Variants in NUDT9 observed in about 807,000 individuals in gnomAD.
NUDT9 encodes the protein ADP-ribose pyrophosphatase.
Under a neutral mutation model 41.0 loss-of-function variants are expected in NUDT9, and 31 were observed. The observed-to-expected ratio is 0.76, with a 90% CI of 0.57 to 1.02. The LOEUF is 1.02. Among genes scored for constraint, NUDT9 ranks in the 50% least tolerant of loss-of-function variants. NUDT9 has a pLI of 0.00. For missense variants in NUDT9, 380 were observed against 431.4 expected, an observed-to-expected ratio of 0.88 and a Z score of 1.06; for synonymous variants, 146 against 147.6, an observed-to-expected ratio of 0.99 and a Z score of 0.08.
chr4:87,425,712 GAAA>G (rs70957242), intron 1 of NUDT9, among the ~76,000 whole-genome samples: 11 of 94,748 alleles, frequency 1.2e-4, no homozygotes, highest in African/African-American at 2.0e-4. Flanking sequence ...CTGTCTCTTT[GAAA>G]AAAAAAAAAA....
intron 1 of NUDT9, among the ~76,000 whole-genome samples, chr4:87,430,922 G>A (rs1210675588): frequency 6.6e-6 from 1 of 152,006 alleles, no homozygotes; most frequent in Non-Finnish European, 1.5e-5. Flanking sequence ...ATACCCAGAA[G>A]TTTTTCATCT....
Position 87,422,603 on chromosome 4 carries a change from A to T in NUDT9, c.-303A>T. ...GCGGCCGTAAAGCGCCATTACGCAGAGAGAAAGTTACGAGGTTCGTGGCCG... is the reference window on the plus strand; with the variant it reads ...GCGGCCGTAAAGCGCCATTACGCAGTGAGAAAGTTACGAGGTTCGTGGCCG... On this transcript the variant is annotated 5_prime_UTR_variant, in exon 1 of 8. Transcript: ENST00000302174. 3 of 283,590 alleles carry T rather than the reference A, an allele frequency of 1.1e-5. No homozygotes were observed. The highest frequency in any genetic ancestry group is 2.0e-5 in the Non-Finnish European group (3 of 153,496). The allele number at this position is 283,590 out of a possible 1,614,324, so 17.6% of individuals were successfully genotyped here.
rs1321625240 is a variant in NUDT9 at position 87,422,898 on chromosome 4, G to A, written c.-8G>A. The A allele has an allele frequency of 6.2e-7, 1 of 1,607,530 alleles. No homozygotes were observed. The highest frequency in any genetic ancestry group is 8.5e-7 in the Non-Finnish European group (1 of 1,179,100). On this transcript the variant is annotated 5_prime_UTR_variant, in exon 1 of 8. Coordinates refer to ENST00000302174, the MANE Select transcript of NUDT9 (RefSeq NM_024047.5). ...ACCTAGCATCGCAAAGCCGCCCTCGGGGCGCTCATGGCGGGACGCCTCCTG... is the reference window on the plus strand; with the variant it reads ...ACCTAGCATCGCAAAGCCGCCCTCGAGGCGCTCATGGCGGGACGCCTCCTG...
intron 5 of NUDT9, among the ~76,000 whole-genome samples, chr4:87,450,259 C>G (rs564186149): frequency 1.7e-3 from 254 of 151,192 alleles, no homozygotes; most frequent in Non-Finnish European, 2.7e-3. Context: ...GAGGATGACT[C>G]TTTATAAAAA....
At chr4:87,454,060 A>T (rs201964763) in intron 6 of NUDT9, among the ~76,000 whole-genome samples, 24 of 149,706 alleles carry the variant, frequency 1.6e-4, no homozygotes, top group South Asian at 2.1e-4. Context: ...ACAGGGTTTC[A>T]CCTTGTTGGT....
chr4:87,425,949 G>A (rs1039988360), intron 1 of NUDT9, among the ~76,000 whole-genome samples: 2 of 151,696 alleles, frequency 1.3e-5, no homozygotes, highest in South Asian at 2.1e-4. Flanking sequence ...TGGTACTACC[G>A]GTGCGCACTA....
chr4:87,425,785 A>C (rs1446785778), intron 1 of NUDT9, among the ~76,000 whole-genome samples: 1 of 150,796 alleles, frequency 6.6e-6, no homozygotes, highest in African/African-American at 2.4e-5. Context: ...ACAGTTTTGC[A>C]CTTAGTTTTT....
intron 2 of NUDT9, among the ~76,000 whole-genome samples, chr4:87,437,382 C>T (rs1235649701): frequency 6.6e-6 from 1 of 151,578 alleles, no homozygotes; most frequent in East Asian, 1.9e-4. Context: ...GCTCTGTCGC[C>T]CAGGCTGGAG....
At chr4:87,442,335 T>TA (rs780314616) in intron 4 of NUDT9, among the ~76,000 whole-genome samples, 59 of 152,232 alleles carry the variant, frequency 3.9e-4, no homozygotes, top group Non-Finnish European at 7.4e-4. Flanking sequence ...ATATAAAAGA[T>TA]AAAAAACCAT....
Position 87,422,646 on chromosome 4 carries a change from T to C in NUDT9, c.-260T>C. On this transcript the variant is annotated 5_prime_UTR_variant, in exon 1 of 8. Coordinates refer to ENST00000302174, the MANE Select transcript of NUDT9 (RefSeq NM_024047.5). ...CGTGGCCGCGGTTTCCCCAGGCAGCTGGCGCTGGAGGCTTCGGCGTCACGT... is the reference window on the plus strand; with the variant it reads ...CGTGGCCGCGGTTTCCCCAGGCAGCCGGCGCTGGAGGCTTCGGCGTCACGT... 1 of 355,354 alleles carries C rather than the reference T, an allele frequency of 2.8e-6. No homozygotes were observed. The highest frequency in any genetic ancestry group is 5.0e-6 in the Non-Finnish European group (1 of 198,632). 22.0% of individuals were successfully genotyped at this position (355,354 alleles called of 1,614,324 possible). A position where few individuals can be genotyped will look rare whatever the true frequency, so the allele number is the denominator to read the frequency against.
chr4:87,441,266 A>T (rs1176388374), intron 3 of NUDT9, among the ~76,000 whole-genome samples: 1 of 152,230 alleles, frequency 6.6e-6, no homozygotes, highest in East Asian at 1.9e-4. Flanking sequence ...TTAACACTGG[A>T]TTGTGGCATC....
intron 1 of NUDT9, among the ~76,000 whole-genome samples, chr4:87,432,995 G>C (rs1214605610): frequency 2.6e-5 from 4 of 152,076 alleles, no homozygotes; most frequent in African/African-American, 9.7e-5. Context: ...TTTAGTATCA[G>C]GATAATGCTG....
chr4:87,448,035 A>G (rs112089991), intron 4 of NUDT9, among the ~76,000 whole-genome samples: 6 of 138,326 alleles, frequency 4.3e-5, no homozygotes, highest in African/African-American at 1.6e-4. Flanking sequence ...CTGTCTTTTT[A>G]AAAAAAAAAA....
At chr4:87,426,874 CAAAA>C (rs1721448239) in intron 1 of NUDT9, among the ~76,000 whole-genome samples, 1 of 117,014 alleles carries the variant, frequency 8.5e-6, no homozygotes, top group African/African-American at 3.3e-5. Context: ...CCCATCTTGA[CAAAA>C]AATAAACAAA....
At position 87,458,113 on chromosome 4, in the gene NUDT9, G is replaced by T; in HGVS notation, c.*92G>T. The T allele has an allele frequency of 8.2e-7, 1 of 1,221,674 alleles. No homozygotes were observed. Among genetic ancestry groups the T allele is most frequent in the Non-Finnish European group, 1.1e-6 (1 of 926,490 alleles). The allele number at this position is 1,221,674 out of a possible 1,614,324, so 75.7% of individuals were successfully genotyped here. A position where few individuals can be genotyped will look rare whatever the true frequency, so the allele number is the denominator to read the frequency against. ...GAATTTATACTATAAAAAGGGCAGG[G>T]TAGGCCACTTGGCCTATTTACTTTC... On this transcript the variant is annotated 3_prime_UTR_variant, in exon 8 of 8. Transcript: ENST00000302174.
At chr4:87,436,730 A>C (rs1454804734) in intron 2 of NUDT9, among the ~76,000 whole-genome samples, 2 of 152,184 alleles carry the variant, frequency 1.3e-5, no homozygotes, top group East Asian at 3.8e-4. Flanking sequence ...ATTGGCTAGA[A>C]GTCTTAAGAA....
chr4:87,428,179 G>C (rs1228024310), intron 1 of NUDT9, among the ~76,000 whole-genome samples: 1 of 152,132 alleles, frequency 6.6e-6, no homozygotes, highest in African/African-American at 2.4e-5. Context: ...ACCACACTTT[G>C]CAGATGTAAA....
Position 87,457,906 on chromosome 4 carries a change from A to G in NUDT9, c.938A>G (p.Asp313Gly), listed in dbSNP as rs553070654. 1 of 1,610,250 alleles carries G rather than the reference A, an allele frequency of 6.2e-7. No homozygotes were observed. Among genetic ancestry groups the G allele is most frequent in the Non-Finnish European group, 8.5e-7 (1 of 1,178,502 alleles). ...GATGCTGGAAAAGTGAAATGGGTGGACATCAATGATAAACTGAAGCTTTAT... is the reference window on the plus strand; with the variant it reads ...GATGCTGGAAAAGTGAAATGGGTGGGCATCAATGATAAACTGAAGCTTTAT... ...GDDAGKVKWV[D>G]INDKLKLYAS... The change falls in exon 8 of 8, where the codon GAC (aspartate) becomes GGC (glycine). Residue 313 changes from aspartate to glycine, a missense_variant. Transcript: ENST00000302174.
At chr4:87,435,552 A>C (rs1173488139) in intron 2 of NUDT9, among the ~76,000 whole-genome samples, 2 of 152,204 alleles carry the variant, frequency 1.3e-5, no homozygotes, top group African/African-American at 4.8e-5. Context: ...CATGTGTTCT[A>C]TTTGGGTTAT....
Sources: allele counts gnomAD v4.1 joint callset (sites outside exome capture counted in the v4.1 genomes callset), GRCh38; gene constraint gnomAD v4.1.1; transcripts MANE v1.5; gene names NCBI Gene and HGNC (gene_info 2026-07-23, HGNC 2026-07-21).